The following NELL1 variants were observed in gnomAD, a reference collection of about 807,000 sequenced individuals.
The protein encoded by NELL1 is neural EGFL like 1, also known as protein kinase C-binding protein NELL1.
NELL1 carries 76 observed loss-of-function variants against 107.4 expected under a neutral mutation model. The observed-to-expected ratio is 0.71, with a 90% CI of 0.59 to 0.86. NELL1 has a LOEUF of 0.86. Ranked by LOEUF, NELL1 falls within the 40% of genes least tolerant of loss-of-function variation. NELL1 has a pLI of 0.00. For missense variants in NELL1, 1,024 were observed against 1,005.5 expected, an observed-to-expected ratio of 1.02 and a Z score of -0.25; for synonymous variants, 353 against 341.2, an observed-to-expected ratio of 1.03 and a Z score of -0.38.
At chr11:20,735,468 T>A (rs1855740413) in intron 2 of NELL1, among the ~76,000 whole-genome samples, 1 of 152,118 alleles carries the variant, frequency 6.6e-6, no homozygotes, top group Non-Finnish European at 1.5e-5. Flanking sequence ...AACCATTATG[T>A]CTTGTGAGAA....
At chr11:21,281,969 T>G (rs933056744) in intron 14 of NELL1, among the ~76,000 whole-genome samples, 3 of 152,176 alleles carry the variant, frequency 2.0e-5, no homozygotes, top group African/African-American at 7.2e-5. Flanking sequence ...TTTACACGCA[T>G]AGACAACAAA....
rs1854389371 is a variant in NELL1, at chr11:21,477,920, A to G, written c.1646-56454A>G. 5.3e-4 allele frequency among the ~76,000 whole-genome samples: 18 copies of G among 34,250 alleles called. 1 individual carries two copies. In the South Asian group the frequency reaches 0.036, roughly 69 times the overall value. 22.5% of individuals were successfully genotyped at this position (34,250 alleles called of 152,430 possible). A position where few individuals can be genotyped will look rare whatever the true frequency, so the allele number is the denominator to read the frequency against. ...TATAAAAATTATAAGAAATTATAAT[A>G]AAAAGAAGCAGAAATTCTGGAGTTG... On this transcript the variant is annotated intron_variant, in intron 15 of 19. Coordinates refer to ENST00000357134, the MANE Select transcript of NELL1 (RefSeq NM_006157.5).
intron 3 of NELL1, among the ~76,000 whole-genome samples, chr11:20,828,886 G>A (rs1857942513): frequency 6.6e-6 from 1 of 152,122 alleles, no homozygotes; most frequent in South Asian, 2.1e-4. Context: ...AATCCGTGAG[G>A]AAGATGAGAA....
chr11:21,438,291 A>G (rs1266604024), intron 15 of NELL1, among the ~76,000 whole-genome samples: 1 of 151,516 alleles, frequency 6.6e-6, no homozygotes, highest in East Asian at 1.9e-4. Flanking sequence ...TTGTTTCAGC[A>G]CTTTGAATAT....
intron 12 of NELL1, among the ~76,000 whole-genome samples, chr11:21,076,684 TA>T (rs1189992164): frequency 6.6e-6 from 1 of 152,188 alleles, no homozygotes; most frequent in Non-Finnish European, 1.5e-5. Flanking sequence ...AGGTAGGGCC[TA>T]ATTGGAGGTG....
chr11:21,525,000 A>T (rs1459682989), intron 15 of NELL1, among the ~76,000 whole-genome samples: 3 of 152,214 alleles, frequency 2.0e-5, no homozygotes, highest in Non-Finnish European at 4.4e-5. Flanking sequence ...TTGCAAATCC[A>T]TAGGCAATAG....
chr11:20,928,337 G>C (rs1365579188), intron 8 of NELL1, 40 bp from the exon 9 acceptor site: 1 of 1,544,446 alleles, frequency 6.5e-7, no homozygotes, highest in Admixed American at 1.7e-5. Flanking sequence ...GCTATCAAAG[G>C]ATACTTCTGA....
intron 13 of NELL1, among the ~76,000 whole-genome samples, chr11:21,222,729 T>C (rs1455454290): frequency 1.3e-5 from 2 of 152,108 alleles, no homozygotes; most frequent in East Asian, 3.9e-4. Flanking sequence ...TATATTGTGT[T>C]TCTGTTTTCC....
rs879380289 is a variant in NELL1 at position 21,287,779 on chromosome 11, A to G, written c.1549+58325A>G. Among the ~76,000 whole-genome samples the G allele has an allele frequency of 1.3e-4, 19 of 149,724 alleles. No homozygotes were observed. In the East Asian group the frequency reaches 1.8e-3, roughly 14 times the overall value. On this transcript the variant is annotated intron_variant, in intron 14 of 19. Coordinates refer to ENST00000357134, the MANE Select transcript of NELL1 (RefSeq NM_006157.5). ...TGCTGAGATTGAGGGGGTAACTCTC[A>G]GTGTCCCCTGCCACAGCTCTCTATA...
intron 15 of NELL1, among the ~76,000 whole-genome samples, chr11:21,476,808 A>ATGAT (rs1854346103): frequency 6.6e-6 from 1 of 152,090 alleles, no homozygotes; most frequent in South Asian, 2.1e-4. Context: ...GGAGAGCACA[A>ATGAT]TGATTGTGGG....
At chr11:21,471,211 G>A (rs1211401216) in intron 15 of NELL1, among the ~76,000 whole-genome samples, 1 of 151,732 alleles carries the variant, frequency 6.6e-6, no homozygotes, top group Non-Finnish European at 1.5e-5. Flanking sequence ...TCACTCTTTT[G>A]CCCTCTTTTC....
chr11:21,141,236 T>A (rs2133771892), intron 13 of NELL1, among the ~76,000 whole-genome samples: 1 of 152,294 alleles, frequency 6.6e-6, no homozygotes, highest in South Asian at 2.1e-4. Context: ...AGAAATAGAA[T>A]ATTAAAAGAA....
At chr11:20,902,663 C>G (rs1040060900) in intron 5 of NELL1, among the ~76,000 whole-genome samples, 2 of 151,850 alleles carry the variant, frequency 1.3e-5, no homozygotes, top group Non-Finnish European at 2.9e-5. Context: ...TATGTATAAG[C>G]ATCATCACAG....
chr11:20,714,589 C>T (rs1330228399), intron 2 of NELL1, among the ~76,000 whole-genome samples: 3 of 150,310 alleles, frequency 2.0e-5, no homozygotes, highest in Non-Finnish European at 3.0e-5. Context: ...TGGCATGTTG[C>T]CAGCTCACTG....
chr11:20,791,156 G>A (rs1857065956), intron 3 of NELL1, among the ~76,000 whole-genome samples: 1 of 152,142 alleles, frequency 6.6e-6, no homozygotes, highest in Admixed American at 6.5e-5. Flanking sequence ...TCTGTAGGTC[G>A]TCAGTCTGAG....
At chr11:21,571,938 A>G (rs1240191084) in intron 18 of NELL1, among the ~76,000 whole-genome samples, 2 of 151,912 alleles carry the variant, frequency 1.3e-5, no homozygotes, top group Non-Finnish European at 2.9e-5. Flanking sequence ...GAAAACAAGT[A>G]TTCAGATAAA....
intron 14 of NELL1, among the ~76,000 whole-genome samples, chr11:21,357,537 A>G (rs190195726): frequency 6.6e-6 from 1 of 152,160 alleles, no homozygotes; most frequent in East Asian, 1.9e-4. Context: ...AGTTCCTTGA[A>G]GAGTCTGGAT....
At chr11:21,198,317 A>G (rs1857197003) in intron 13 of NELL1, among the ~76,000 whole-genome samples, 1 of 152,222 alleles carries the variant, frequency 6.6e-6, no homozygotes, top group Admixed American at 6.5e-5. Flanking sequence ...TAACACAGCC[A>G]CATTCTGTCG....
chr11:20,971,456 G>C (rs1251876641), intron 12 of NELL1, among the ~76,000 whole-genome samples: 1 of 152,002 alleles, frequency 6.6e-6, no homozygotes, highest in Non-Finnish European at 1.5e-5. Context: ...AACTTTTTTG[G>C]TTATTTAAAA....
Sources: allele counts gnomAD v4.1 joint callset (sites outside exome capture counted in the v4.1 genomes callset), GRCh38; gene constraint gnomAD v4.1.1; transcripts MANE v1.5; gene names NCBI Gene and HGNC (gene_info 2026-07-23, HGNC 2026-07-21).